MDM1: variants seen among roughly 807,000 people sequenced by gnomAD.
The protein encoded by MDM1 is stabilizer of axonemal microtubules 6.
MDM1 carries 61 observed loss-of-function variants against 89.1 expected under a neutral mutation model. The ratio of observed to expected loss-of-function variants is 0.68; its 90% CI spans 0.56 to 0.85. The LOEUF (loss-of-function observed/expected upper bound fraction) is 0.85. Ranked by LOEUF, MDM1 falls within the 40% of genes least tolerant of loss-of-function variation. The probability of loss-of-function intolerance (pLI) is 0.00; values close to 1 mark genes in which losing one functional copy is unlikely to be tolerated. For synonymous variants in MDM1, 290 were observed against 294.1 expected (o/e 0.99, Z 0.14); for missense variants, 820 against 846.5 (o/e 0.97, Z 0.39).
chr12:68,331,210 T>C lies in MDM1; in HGVS notation c.30A>G (p.Glu10=). MPVRFKGLS[E]YQRNFLWKKS... is the part of the protein sequence containing the mutation. ...TTTTCCACAGGAAGTTCCTCTGGTA[T>C]TCACTCAGCCCCTGTAATGCAAAGT... The change falls in exon 2 of 15, where the codon GAA becomes GAG. Residue 10 remains glutamate, a synonymous_variant. Coordinates refer to ENST00000682720, the MANE Select transcript of MDM1 (RefSeq NM_001354969.2). 6.3e-7 allele frequency: 1 copy of C among 1,578,882 alleles called. No individual in the cohort carries two copies. Among genetic ancestry groups the C allele is most frequent in the Non-Finnish European group, 8.7e-7 (1 of 1,147,854 alleles).
At position 68,296,928 on chromosome 12, in the gene MDM1, T is replaced by C; in HGVS notation, c.2057A>G (p.Asp686Gly). ...TTATGTGACTACTGAAATACCTTCATCATTAAAGGCTTCATGTTGAGGTAA... is the reference window on the plus strand; with the variant it reads ...TTATGTGACTACTGAAATACCTTCACCATTAAAGGCTTCATGTTGAGGTAA... ...LQLPQHEAFN[D>G]EDEDRLSEIS... The change falls in exon 14 of 15, where the codon GAT becomes GGT. Residue 686 changes from aspartate (D) to glycine (G), a missense_variant. By Grantham distance (94) the Asp-to-Gly change is moderately conservative. Transcript: ENST00000682720. 1.9e-6 allele frequency: 3 copies of C among 1,587,954 alleles called. No individual in the cohort carries two copies. The highest frequency in any genetic ancestry group is 1.7e-6 in the Non-Finnish European group (2 of 1,169,610).
chr12:68,325,622 C>T, intron 3 of MDM1, 47 bp from the exon 4 acceptor site: 1 of 1,441,682 alleles, frequency 6.9e-7, no homozygotes, highest in Non-Finnish European at 9.2e-7. Flanking sequence ...AATTTCTATT[C>T]AAACTTTTTA....
At chr12:68,316,920 A>G (rs1364636661) in intron 7 of MDM1, among the ~76,000 whole-genome samples, 2 of 152,134 alleles carry the variant, frequency 1.3e-5, no homozygotes, top group African/African-American at 4.8e-5. Context: ...GCTTTATTTC[A>G]TGGCTTTGTA....
chr12:68,329,720 ACT>A (rs1183232576), intron 2 of MDM1, among the ~76,000 whole-genome samples: 1 of 152,164 alleles, frequency 6.6e-6, no homozygotes, highest in African/African-American at 2.4e-5. Flanking sequence ...ACAGAGCCCT[ACT>A]CTCAGAGATC....
Position 68,302,870 on chromosome 12 carries a change from T to C in MDM1, c.1752A>G (p.Lys584=), listed in dbSNP as rs1382767988. 1 of 1,462,126 alleles carries C rather than the reference T, an allele frequency of 6.8e-7. No individual in the cohort carries two copies. The highest frequency in any genetic ancestry group is 9.0e-7 in the Non-Finnish European group (1 of 1,107,250). The allele number at this position is 1,462,126 out of a possible 1,614,324, so 90.6% of individuals were successfully genotyped here. The part of the protein sequence containing the change: ...LETSKNDFTK[K]ESRAVSLLTS... The stretch of plus-strand genomic sequence containing the variant: ...TCAGTAGGGATACAGCACGACTTTC[T>C]TTCTAAATGACAAAAAAAAAAAAAA... The change falls in exon 13 of 15, where the codon AAA becomes AAG. Residue 584 remains lysine, a splice_region_variant and synonymous_variant. Transcript: ENST00000682720.
At chr12:68,326,218 C>A (rs977910646) in intron 3 of MDM1, 12 of 1,101,396 alleles carry the variant, frequency 1.1e-5, no homozygotes, top group Non-Finnish European at 1.3e-5. Context: ...TGAGAGACAG[C>A]CAGAGCTCTC....
rs369738177 is a variant in MDM1 at position 68,331,070 on chromosome 12, G to A, written c.133+37C>T. On this transcript the variant is annotated intron_variant, in intron 2 of 14. Coordinates refer to ENST00000682720, the MANE Select transcript of MDM1 (RefSeq NM_001354969.2). Reference sequence around the variant, plus strand: ...CGGCTTGGCCCAAGTTATAAACTTAGCCCAGGTTAGAATGGCTATTAGCCT... The same window carrying A: ...CGGCTTGGCCCAAGTTATAAACTTAACCCAGGTTAGAATGGCTATTAGCCT... 100 of 1,201,572 alleles carry A rather than the reference G, an allele frequency of 8.3e-5. 1 individual carries two copies. Among genetic ancestry groups the A allele is most frequent in the Admixed American group, 3.4e-5 (2 of 58,668 alleles). The allele number at this position is 1,201,572 out of a possible 1,614,324, so 74.4% of individuals were successfully genotyped here.
At chr12:68,297,335 A>G (rs1247048833) in intron 13 of MDM1, among the ~76,000 whole-genome samples, 1 of 152,246 alleles carries the variant, frequency 6.6e-6, no homozygotes. Flanking sequence ...CGCATTTACA[A>G]GAAGAACAAA....
intron 13 of MDM1, among the ~76,000 whole-genome samples, chr12:68,297,590 T>C (rs954472106): frequency 1.2e-4 from 19 of 152,214 alleles, no homozygotes; most frequent in African/African-American, 4.6e-4. Flanking sequence ...AATATGTTTT[T>C]ACAAAAATAG....
At chr12:68,296,508 A>G (rs1394405413) in intron 14 of MDM1, among the ~76,000 whole-genome samples, 3 of 152,252 alleles carry the variant, frequency 2.0e-5, no homozygotes, top group Non-Finnish European at 4.4e-5. Context: ...AAAACAAAAC[A>G]AAACGAAACA....
chr12:68,315,583 G>A (rs1874379015), intron 9 of MDM1, among the ~76,000 whole-genome samples: 1 of 152,100 alleles, frequency 6.6e-6, no homozygotes, highest in Admixed American at 6.5e-5. Context: ...CATAAACTAG[G>A]ACCCCATGGT....
chr12:68,312,807 C>T (rs1455785957), intron 12 of MDM1, among the ~76,000 whole-genome samples: 2 of 152,106 alleles, frequency 1.3e-5, no homozygotes, highest in Non-Finnish European at 2.9e-5. Context: ...GCAACAGTGA[C>T]CTTCTAGCTG....
chr12:68,322,178 A>G (rs1167597922), intron 5 of MDM1, among the ~76,000 whole-genome samples: 1 of 152,222 alleles, frequency 6.6e-6, no homozygotes, highest in Admixed American at 6.5e-5. Context: ...AGATTCAAAA[A>G]TAGTATTTAT....
At chr12:68,315,354 T>C (rs1471638018) in intron 9 of MDM1, 89 bp from the exon 10 acceptor site, 5 of 1,240,100 alleles carry the variant, frequency 4.0e-6, no homozygotes, top group African/African-American at 1.5e-5. Context: ...CATTTCCTTC[T>C]ACTGTTCACA....
intron 12 of MDM1, among the ~76,000 whole-genome samples, chr12:68,311,424 G>T (rs1052980483): frequency 6.6e-6 from 1 of 152,088 alleles, no homozygotes; most frequent in Non-Finnish European, 1.5e-5. Flanking sequence ...TCTCAGTAAG[G>T]ATCTTTCTTC....
Position 68,295,229 on chromosome 12 carries a change from T to G in MDM1, c.*25A>C. 6.7e-7 allele frequency: 1 copy of G among 1,490,464 alleles called. No individual in the cohort carries two copies. 92.3% of individuals were successfully genotyped at this position (1,490,464 alleles called of 1,614,324 possible). The stretch of plus-strand genomic sequence containing the variant: ...AAAGAAAAATTATGCCAATGTTTCC[T>G]TAGATAAAGGCAACTCAGCTAGGTT... On this transcript the variant is annotated 3_prime_UTR_variant, in exon 15 of 15. Transcript: ENST00000682720.
At chr12:68,297,007 A>C in intron 13 of MDM1, 25 bp from the exon 14 acceptor site, 3 of 1,562,952 alleles carry the variant, frequency 1.9e-6, no homozygotes, top group Non-Finnish European at 2.6e-6. Context: ...GGCAGAATAA[A>C]TTATCCTTCA....
At chr12:68,295,411 C>T (rs1302576655) in intron 14 of MDM1, 45 bp from the exon 15 acceptor site, 1 of 1,167,476 alleles carries the variant, frequency 8.6e-7, no homozygotes, top group Middle Eastern at 1.9e-4. Context: ...CCAAAAATAT[C>T]TATTAAATAA....
At position 68,315,023 on chromosome 12, in the gene MDM1, C is replaced by T. The variant is rs368040136; in HGVS notation, c.1454G>A (p.Gly485Asp). 47 of 1,614,026 alleles carry T rather than the reference C, an allele frequency of 2.9e-5. 1 individual carries two copies. Among genetic ancestry groups the T allele is most frequent in the Middle Eastern group, 3.3e-4 (2 of 6,084 alleles). ...DNEEEGDRKT[G>D]KQAFMGEQEK... ...TTGCTCTCCCATAAAAGCCTGCTTG[C>T]CCGTTTTCCTGTCCCCTTCCTCTTC... Residue 485 changes from glycine (G) to aspartate (D), a missense_variant, in exon 10 of 15, where the codon GGC becomes GAC. By Grantham distance (94) the Gly-to-Asp change is moderately conservative. Transcript: ENST00000682720.
Sources: gnomAD v4.1 joint callset for allele counts (sites outside exome capture counted in the v4.1 genomes callset) on GRCh38, gnomAD v4.1.1 for gene constraint, MANE v1.5 for transcripts, NCBI Gene and HGNC (gene_info 2026-07-23, HGNC 2026-07-21) for gene names.